The following GALNT10 variants were observed in gnomAD, a reference collection of about 807,000 sequenced individuals.
The protein encoded by GALNT10 is GalNAc transferase 10.
In GALNT10, 41 loss-of-function variants were observed where a neutral mutation model predicts 75.0. That is an observed-to-expected ratio of 0.55 (90% CI 0.43 to 0.71). GALNT10 has a LOEUF of 0.71. Ranked by LOEUF, GALNT10 falls within the 30% of genes least tolerant of loss-of-function variation. GALNT10 has a pLI of 0.00. For synonymous variants in GALNT10, 302 were observed against 313.0 expected (o/e 0.96, Z 0.37); for missense variants, 727 against 818.5 (o/e 0.89, Z 1.36).
intron 1 of GALNT10, among the ~76,000 whole-genome samples, chr5:154,247,965 T>C (rs1445442679): frequency 7.9e-5 from 12 of 152,224 alleles, no homozygotes; most frequent in Non-Finnish European, 1.6e-4. Context: ...AAATAGCTCT[T>C]ATTATTTTGA....
chr5:154,279,815 T>C lies in GALNT10; in HGVS notation c.160-15001T>C, dbSNP rs558311005. 6.6e-5 allele frequency among the ~76,000 whole-genome samples: 10 copies of C among 152,300 alleles called. No individual in the cohort carries two copies. In the East Asian group the frequency reaches 1.9e-3, roughly 29 times the overall value. The stretch of plus-strand genomic sequence containing the variant: ...GTTGCCCAGGCTGGTATGAGTTCTT[T>C]ATGCATTCTGAATATGTCCTTAATC... On this transcript the variant is annotated intron_variant, in intron 1 of 11. Coordinates refer to ENST00000297107, the MANE Select transcript of GALNT10 (RefSeq NM_198321.4).
chr5:154,390,735 G>C (rs201908024), intron 7 of GALNT10, among the ~76,000 whole-genome samples: 1 of 152,164 alleles, frequency 6.6e-6, no homozygotes, highest in Non-Finnish European at 1.5e-5. Context: ...ACAGTGAATG[G>C]AGAAAGATTT....
intron 1 of GALNT10, among the ~76,000 whole-genome samples, chr5:154,254,281 G>A (rs886070533): frequency 2.6e-5 from 4 of 152,044 alleles, no homozygotes; most frequent in African/African-American, 9.7e-5. Flanking sequence ...TGTTTCTGTG[G>A]GGATTCAGAG....
intron 3 of GALNT10, among the ~76,000 whole-genome samples, chr5:154,323,894 C>T (rs1013551183): frequency 2.0e-5 from 3 of 152,226 alleles, no homozygotes; most frequent in African/African-American, 7.2e-5. Flanking sequence ...TGCCGCAGCA[C>T]TGGGAATTCC....
intron 4 of GALNT10, among the ~76,000 whole-genome samples, chr5:154,357,754 G>A (rs772003045): frequency 5.3e-5 from 8 of 152,096 alleles, no homozygotes; most frequent in African/African-American, 1.4e-4. Flanking sequence ...GCTGCCTGGC[G>A]CTGGAAGTGT....
At chr5:154,415,663 C>T (rs563288986) in intron 10 of GALNT10, 120 bp from the exon 11 acceptor site, 15 of 978,230 alleles carry the variant, frequency 1.5e-5, no homozygotes, top group Non-Finnish European at 2.3e-5. Context: ...GTGGTTAGAA[C>T]AGGTTAATAT....
chr5:154,235,157 G>A (rs146552833), intron 1 of GALNT10, among the ~76,000 whole-genome samples: 100 of 152,222 alleles, frequency 6.6e-4, no homozygotes, highest in African/African-American at 2.2e-3. Context: ...ACTGGGCTGC[G>A]GTCCCTTCGA....
chr5:154,328,259 T>G (rs2050176219), intron 3 of GALNT10, among the ~76,000 whole-genome samples: 1 of 152,092 alleles, frequency 6.6e-6, no homozygotes, highest in African/African-American at 2.4e-5. Context: ...AGGAACAATG[T>G]TAATTCTTCT....
intron 1 of GALNT10, among the ~76,000 whole-genome samples, chr5:154,292,901 G>T (rs1212469485): frequency 6.6e-6 from 1 of 152,068 alleles, no homozygotes; most frequent in African/African-American, 2.4e-5. Context: ...GTTCCATAAG[G>T]ACCTTCCAGC....
In GALNT10 at chr5:154,417,732, G is replaced by C. The variant is rs1172173558; in HGVS notation, c.*760G>C. ...TTAGCACTCTCCAGGCACAAGGACA[G>C]CCCAGCACCAGCTTTACAGGGCAGT... On this transcript the variant is annotated 3_prime_UTR_variant, in exon 12 of 12. Coordinates refer to ENST00000297107, the MANE Select transcript of GALNT10 (RefSeq NM_198321.4). 1 of 152,306 alleles carries C rather than the reference G, an allele frequency of 6.6e-6. No homozygotes were observed. Among genetic ancestry groups the C allele is most frequent in the Non-Finnish European group, 1.5e-5 (1 of 68,118 alleles). 9.4% of individuals were successfully genotyped at this position (152,306 alleles called of 1,614,324 possible).
intron 1 of GALNT10, among the ~76,000 whole-genome samples, chr5:154,265,366 A>C (rs1753762331): frequency 6.6e-6 from 1 of 152,176 alleles, no homozygotes; most frequent in Non-Finnish European, 1.5e-5. Flanking sequence ...CCTGATGCTG[A>C]CAAGGCCTTT....
chr5:154,240,410 T>C (rs1211843933), intron 1 of GALNT10, among the ~76,000 whole-genome samples: 1 of 152,186 alleles, frequency 6.6e-6, no homozygotes, highest in African/African-American at 2.4e-5. Context: ...CTGCAAGTGT[T>C]AGTGAGGTCA....
Position 154,254,995 on chromosome 5 carries a change from T to A in GALNT10, c.160-39821T>A, listed in dbSNP as rs376373357. 1.1e-4 allele frequency among the ~76,000 whole-genome samples: 16 copies of A among 152,158 alleles called. No homozygotes were observed. The South Asian group carries it at 3.1e-3, about 30-fold the overall frequency. On this transcript the variant is annotated intron_variant, in intron 1 of 11. Coordinates refer to ENST00000297107, the MANE Select transcript of GALNT10 (RefSeq NM_198321.4). The stretch of plus-strand genomic sequence containing the variant: ...CAGAAGCAGAGAAGGGCATCGTTGT[T>A]GTTGTTTTTAGAGACAAGGTCTCAC...
At chr5:154,283,568 C>T (rs925288338) in intron 1 of GALNT10, among the ~76,000 whole-genome samples, 1 of 152,182 alleles carries the variant, frequency 6.6e-6, no homozygotes, top group Admixed American at 6.5e-5. Context: ...TTGTGGCCTC[C>T]ACCCTAAGAG....
At chr5:154,250,937 G>A (rs1753509315) in intron 1 of GALNT10, among the ~76,000 whole-genome samples, 1 of 152,120 alleles carries the variant, frequency 6.6e-6, no homozygotes. Flanking sequence ...CCTGTATCTG[G>A]AATATACTCT....
intron 3 of GALNT10, among the ~76,000 whole-genome samples, chr5:154,326,682 A>G (rs546536727): frequency 6.6e-6 from 1 of 152,344 alleles, no homozygotes; most frequent in South Asian, 2.1e-4. Flanking sequence ...TAAAATGTCC[A>G]GGTTAGGAAA....
In GALNT10 at chr5:154,380,506, T is replaced by A; in HGVS notation, c.813T>A (p.His271Gln). The change falls in exon 6 of 12, where the codon CAT becomes CAA. Residue 271 changes from histidine to glutamine, a missense_variant. Coordinates refer to ENST00000297107, the MANE Select transcript of GALNT10 (RefSeq NM_198321.4). ...IVCPMIDVID[H>Q]DDFRYETQAG... The stretch of plus-strand genomic sequence containing the variant: ...GCCCGATGATTGATGTAATTGACCA[T>A]GACGACTTTCGGTACGAGACACAGG... 1.9e-6 allele frequency: 3 copies of A among 1,614,070 alleles called. No homozygotes were observed. The highest frequency in any genetic ancestry group is 2.2e-5 in the East Asian group (1 of 44,876).
intron 1 of GALNT10, among the ~76,000 whole-genome samples, chr5:154,217,008 T>G (rs1166103134): frequency 1.3e-5 from 2 of 152,216 alleles, no homozygotes; most frequent in Non-Finnish European, 2.9e-5. Context: ...ATGAGACCGT[T>G]GTTACCTTTT....
intron 4 of GALNT10, among the ~76,000 whole-genome samples, chr5:154,361,690 T>A (rs1755390881): frequency 1.3e-5 from 2 of 152,236 alleles, no homozygotes; most frequent in Admixed American, 1.3e-4. Context: ...TAACAGACCA[T>A]AGGTATTAAA....
Sources: allele counts gnomAD v4.1 joint callset (sites outside exome capture counted in the v4.1 genomes callset), GRCh38; gene constraint gnomAD v4.1.1; transcripts MANE v1.5; gene names NCBI Gene and HGNC (gene_info 2026-07-23, HGNC 2026-07-21).